The following CEP70 variants were observed in gnomAD, a reference collection of about 807,000 sequenced individuals.
CEP70 encodes the protein centrosomal protein 70.
A neutral mutation model predicts 90.9 loss-of-function variants in CEP70; 70 were observed. That is an observed-to-expected ratio of 0.77 (90% CI 0.64 to 0.94). The LOEUF (loss-of-function observed/expected upper bound fraction) is 0.94. Ranked by LOEUF, CEP70 falls within the 40% of genes least tolerant of loss-of-function variation. CEP70 has a pLI of 0.00. For synonymous variants in CEP70, 220 were observed against 228.3 expected, an observed-to-expected ratio of 0.96 and a Z score of 0.33; for missense variants, 648 against 669.0, an observed-to-expected ratio of 0.97 and a Z score of 0.35.
At chr3:138,550,316 A>G (rs1313356472) in intron 6 of CEP70, among the ~76,000 whole-genome samples, 1 of 152,188 alleles carries the variant, frequency 6.6e-6, no homozygotes, top group East Asian at 1.9e-4. Context: ...AAAAAATGAT[A>G]CAAGAAATGA....
chr3:138,496,063 T>A (rs910085637), intron 17 of CEP70: 3 of 985,434 alleles, frequency 3.0e-6, no homozygotes, highest in Non-Finnish European at 3.6e-6. Context: ...CTGAAGCTCC[T>A]GGCCACCAAA....
chr3:138,591,294 CAAT>C (rs1293500510), intron 2 of CEP70, among the ~76,000 whole-genome samples: 2 of 151,980 alleles, frequency 1.3e-5, no homozygotes, highest in African/African-American at 4.8e-5. Context: ...GTATATGAAA[CAAT>C]AAATGAATTT....
intron 6 of CEP70, among the ~76,000 whole-genome samples, chr3:138,549,216 A>C (rs1006771779): frequency 6.6e-6 from 1 of 151,174 alleles, no homozygotes; most frequent in Non-Finnish European, 1.5e-5. Flanking sequence ...AACTCGGGGA[A>C]GGGCATGAAT....
In CEP70 at chr3:138,582,797, T is replaced by C. The variant is rs772694236; in HGVS notation, c.-6+9057A>G. Among the ~76,000 whole-genome samples, 23 of 151,700 alleles carry C rather than the reference T, an allele frequency of 1.5e-4. 1 individual carries two copies. The highest frequency in any genetic ancestry group is 2.8e-4 in the Non-Finnish European group (19 of 67,948). Reference sequence around the variant, plus strand: ...AAAAATAAATAAATAAATAAGATAATGGATTATAAGATAGTATTTTCAAGC... The same window carrying C: ...AAAAATAAATAAATAAATAAGATAACGGATTATAAGATAGTATTTTCAAGC... On this transcript the variant is annotated intron_variant, in intron 2 of 17. Transcript: ENST00000264982.
At position 138,494,877 on chromosome 3, in the gene CEP70, G is replaced by A; in HGVS notation, c.*138C>T. On this transcript the variant is annotated 3_prime_UTR_variant, in exon 18 of 18. Transcript: ENST00000264982. Reference sequence around the variant, plus strand: ...AGTTAATAAAAATTATACAGATGAAGAATGACCTAATACTAAGAAGGGGAT... The same window carrying A: ...AGTTAATAAAAATTATACAGATGAAAAATGACCTAATACTAAGAAGGGGAT... The A allele has an allele frequency of 1.7e-6, 1 of 572,270 alleles. No individual in the cohort carries two copies. The highest frequency in any genetic ancestry group is 3.0e-5 in the East Asian group (1 of 33,370). 35.4% of individuals were successfully genotyped at this position (572,270 alleles called of 1,614,324 possible).
chr3:138,559,025 G>T (rs1014789019), intron 6 of CEP70, among the ~76,000 whole-genome samples: 1 of 152,126 alleles, frequency 6.6e-6, no homozygotes, highest in Non-Finnish European at 1.5e-5. Context: ...CCTCTATCTT[G>T]TTCCCAAAAT....
rs1416372283 is a variant in CEP70 at position 138,530,261 on chromosome 3, A to G, written c.693-799T>C. 2.0e-5 allele frequency among the ~76,000 whole-genome samples: 3 copies of G among 152,232 alleles called. No homozygotes were observed. The East Asian group carries it at 5.8e-4, about 29-fold the overall frequency. On this transcript the variant is annotated intron_variant, in intron 8 of 17. Transcript: ENST00000264982. ...ATTTCATTAAATCTTAAATTTAAAA[A>G]TTGAAGTAGTATAAAATACTTTTCT...
intron 11 of CEP70, among the ~76,000 whole-genome samples, chr3:138,516,642 T>A (rs562910695): frequency 9.2e-5 from 14 of 152,176 alleles, no homozygotes; most frequent in Non-Finnish European, 1.6e-4. Flanking sequence ...TGCCTCAGTC[T>A]CCCAAAGTGC....
chr3:138,530,466 A>G (rs1186417519), intron 8 of CEP70: 1 of 316,150 alleles, frequency 3.2e-6, no homozygotes, highest in Non-Finnish European at 4.6e-6. Flanking sequence ...TTTATTCCCA[A>G]TGTGTTTATT....
chr3:138,496,621 T>C (rs2033974329), intron 17 of CEP70: 2 of 985,430 alleles, frequency 2.0e-6, no homozygotes, highest in Admixed American at 1.2e-4. Context: ...AAGAATGGAT[T>C]GTTTTTTTAC....
chr3:138,566,915 T>C (rs1179203555), intron 6 of CEP70, among the ~76,000 whole-genome samples: 1 of 152,078 alleles, frequency 6.6e-6, no homozygotes, highest in Non-Finnish European at 1.5e-5. Context: ...CACACAAATA[T>C]TTGAACATAC....
At chr3:138,540,046 C>T (rs1304198664) in intron 6 of CEP70, among the ~76,000 whole-genome samples, 1 of 152,122 alleles carries the variant, frequency 6.6e-6, no homozygotes, top group Non-Finnish European at 1.5e-5. Flanking sequence ...TGGGAGGAGA[C>T]ATCTGAAACT....
At chr3:138,588,412 G>A (rs1408148931) in intron 2 of CEP70, among the ~76,000 whole-genome samples, 2 of 152,084 alleles carry the variant, frequency 1.3e-5, no homozygotes, top group Non-Finnish European at 2.9e-5. Flanking sequence ...GTAAACAACT[G>A]AACTTAAAAA....
At chr3:138,576,267 C>A (rs920699146) in intron 2 of CEP70, among the ~76,000 whole-genome samples, 64 of 151,944 alleles carry the variant, frequency 4.2e-4, no homozygotes, top group Admixed American at 2.9e-3. Flanking sequence ...ATCTACCAAG[C>A]AAATGGAAAG....
At chr3:138,503,884 C>T (rs564041653) in intron 13 of CEP70, among the ~76,000 whole-genome samples, 7 of 152,260 alleles carry the variant, frequency 4.6e-5, no homozygotes, top group South Asian at 4.2e-4. Context: ...TTTCCTTTAA[C>T]GATATAAATG....
chr3:138,526,157 CTTG>C (rs990126729), intron 10 of CEP70, among the ~76,000 whole-genome samples: 1 of 151,832 alleles, frequency 6.6e-6, no homozygotes, highest in Non-Finnish European at 1.5e-5. Flanking sequence ...TAAGTTTTTT[CTTG>C]TTGTTTTTTG....
intron 2 of CEP70, among the ~76,000 whole-genome samples, chr3:138,580,135 G>C (rs1235442793): frequency 6.6e-6 from 1 of 152,054 alleles, no homozygotes; most frequent in Non-Finnish European, 1.5e-5. Flanking sequence ...GGGGAAAGGG[G>C]AGGGAAAAAT....
At chr3:138,593,348 G>A (rs1015469396) in intron 1 of CEP70, among the ~76,000 whole-genome samples, 1 of 152,056 alleles carries the variant, frequency 6.6e-6, no homozygotes, top group African/African-American at 2.4e-5. Context: ...TCACCCGCCC[G>A]AGTAGCTGGG....
In CEP70 at chr3:138,507,934, A is replaced by C. The variant is rs111374020; in HGVS notation, c.1050+505T>G. On this transcript the variant is annotated intron_variant, in intron 12 of 17. Transcript: ENST00000264982. The stretch of plus-strand genomic sequence containing the variant: ...TGTGTACCCAATAAAATGTGAGTGA[A>C]AGTCCAGTTCAGTCACTAAACTACC... Among the ~76,000 whole-genome samples, 1,423 of 152,314 alleles carry C rather than the reference A, an allele frequency of 9.3e-3. 18 individuals are homozygous for C. Among genetic ancestry groups the C allele is most frequent in the African/African-American group, 0.033 (1,353 of 41,568 alleles).
Sources: allele counts gnomAD v4.1 joint callset (sites outside exome capture counted in the v4.1 genomes callset), GRCh38; gene constraint gnomAD v4.1.1; transcripts MANE v1.5; gene names NCBI Gene and HGNC (gene_info 2026-07-23, HGNC 2026-07-21).